Variants in ABCC4 observed in about 807,000 individuals in gnomAD.
ABCC4 encodes the protein ATP binding cassette subfamily C member 4 (PEL blood group), also known as ATP-binding cassette sub-family C member 4.
In ABCC4, 102 loss-of-function variants were observed where a neutral mutation model predicts 168.5. The observed-to-expected ratio is 0.61, with a 90% CI of 0.52 to 0.71. ABCC4 has a LOEUF of 0.71. ABCC4 is among the 30% of genes least tolerant of loss of function. ABCC4 has a pLI of 0.00. For missense variants in ABCC4, 1,402 were observed against 1,605.8 expected, an observed-to-expected ratio of 0.87 and a Z score of 2.17; for synonymous variants, 617 against 590.7, an observed-to-expected ratio of 1.04 and a Z score of -0.65.
At chr13:95,162,777 T>A (rs964505982) in intron 18 of ABCC4, among the ~76,000 whole-genome samples, 1 of 152,180 alleles carries the variant, frequency 6.6e-6, no homozygotes, top group East Asian at 1.9e-4. Flanking sequence ...AGGGTGGAGA[T>A]CCGTTTCTAA....
At chr13:95,028,923 T>C (rs567542048) in intron 30 of ABCC4, among the ~76,000 whole-genome samples, 46 of 151,962 alleles carry the variant, frequency 3.0e-4, no homozygotes, top group Non-Finnish European at 4.4e-4. Flanking sequence ...CCCAGCACTT[T>C]GGGAGGCCAA....
Position 95,175,302 on chromosome 13 carries a change from T to A in ABCC4, c.1727+2405A>T, listed in dbSNP as rs530629349. On this transcript the variant is annotated intron_variant, in intron 13 of 30. Transcript: ENST00000645237. ...TAGAAATTGAACAGAGAACCTTTTT[T>A]AAAATTTTTTTTTTATTATTATTAT... 1.5e-4 allele frequency among the ~76,000 whole-genome samples: 23 copies of A among 152,212 alleles called. No homozygotes were observed. The East Asian group carries it at 1.5e-3, about 10-fold the overall frequency.
chr13:95,256,960 T>G (rs550768970), intron 1 of ABCC4, among the ~76,000 whole-genome samples: 1 of 152,190 alleles, frequency 6.6e-6, no homozygotes, highest in Non-Finnish European at 1.5e-5. Flanking sequence ...AGCTACTCAT[T>G]TAAGTTTGCG....
At chr13:95,037,506 G>T (rs1166913565) in intron 29 of ABCC4, among the ~76,000 whole-genome samples, 1 of 152,222 alleles carries the variant, frequency 6.6e-6, no homozygotes, top group African/African-American at 2.4e-5. Context: ...AGATGGAAGT[G>T]CAAATAAGTT....
At chr13:95,212,850 A>G (rs1240632191) in intron 4 of ABCC4, among the ~76,000 whole-genome samples, 1 of 152,202 alleles carries the variant, frequency 6.6e-6, no homozygotes. Flanking sequence ...AAGACATGCC[A>G]GGTGCGGTGG....
chr13:95,057,681 A>G (rs1449539048), intron 26 of ABCC4, among the ~76,000 whole-genome samples: 1 of 152,248 alleles, frequency 6.6e-6, no homozygotes, highest in Non-Finnish European at 1.5e-5. Context: ...AGAGTGACAG[A>G]GGACCCTGAA....
intron 30 of ABCC4, among the ~76,000 whole-genome samples, chr13:95,026,053 T>C (rs1403668364): frequency 6.6e-6 from 1 of 152,050 alleles, no homozygotes; most frequent in Non-Finnish European, 1.5e-5. Flanking sequence ...ACTTGTATCA[T>C]ATAATGAACA....
intron 26 of ABCC4, 121 bp downstream of exon 26, chr13:95,062,583 C>A: frequency 5.8e-6 from 5 of 861,166 alleles, no homozygotes; most frequent in East Asian, 2.6e-5. Context: ...TAAAAACATG[C>A]TCTATTGGGT....
At chr13:95,079,079 T>C (rs535591674) in intron 21 of ABCC4, among the ~76,000 whole-genome samples, 6 of 152,206 alleles carry the variant, frequency 3.9e-5, no homozygotes, top group Non-Finnish European at 7.3e-5. Flanking sequence ...TTTGAAAAGA[T>C]AGTCCTTTCT....
chr13:95,036,596 A>G (rs1254435772), intron 29 of ABCC4, among the ~76,000 whole-genome samples: 1 of 152,182 alleles, frequency 6.6e-6, no homozygotes, highest in African/African-American at 2.4e-5. Context: ...ATTTGGTCAA[A>G]ATACTTTAAG....
At chr13:95,194,801 T>G (rs1305996968) in intron 9 of ABCC4, 35 bp downstream of exon 9, 2 of 1,538,298 alleles carry the variant, frequency 1.3e-6, no homozygotes, top group Non-Finnish European at 1.8e-6. Flanking sequence ...CTCATTATCT[T>G]CAGCAGTCAT....
rs1488367357 is a variant in ABCC4 at position 95,269,434 on chromosome 13, A to T, written c.75-21681T>A. The T allele has an allele frequency of 7.2e-4, 86 of 119,134 alleles. 1 individual carries two copies. The highest frequency in any genetic ancestry group is 3.8e-3 in the African/African-American group (70 of 18,276). 7.4% of individuals were successfully genotyped at this position (119,134 alleles called of 1,614,324 possible). On this transcript the variant is annotated intron_variant, in intron 1 of 30. Transcript: ENST00000645237. ...CAGCGAGACTCCATCTCAAAAAAAA[A>T]ATATATATATATATATATATATATA...
chr13:95,163,226 A>G lies in ABCC4; in HGVS notation c.2214-10T>C, dbSNP rs201091146. 6.4e-7 allele frequency: 1 copy of G among 1,551,106 alleles called. No homozygotes were observed. The highest frequency in any genetic ancestry group is 2.2e-5 in the East Asian group (1 of 44,508). Reference sequence around the variant, plus strand: ...ACTTTGTTTGTTTGCCCTATGGAACATGGGGAGAAAAAAATATTAAGCTAT... The same window carrying G: ...ACTTTGTTTGTTTGCCCTATGGAACGTGGGGAGAAAAAAATATTAAGCTAT... On this transcript the variant is annotated splice_polypyrimidine_tract_variant and intron_variant, in intron 17 of 30. Transcript: ENST00000645237.
chr13:95,191,593 A>T (rs1455283303), intron 9 of ABCC4, among the ~76,000 whole-genome samples: 1 of 152,222 alleles, frequency 6.6e-6, no homozygotes, highest in African/African-American at 2.4e-5. Flanking sequence ...GTCTTGCTTG[A>T]CTTCGCCTTA....
intron 1 of ABCC4, among the ~76,000 whole-genome samples, chr13:95,250,769 T>G (rs2040234060): frequency 7.0e-6 from 1 of 141,868 alleles, no homozygotes; most frequent in African/African-American, 2.6e-5. Context: ...TTTTTTTTTT[T>G]TTTTTTTTTT....
At chr13:95,249,301 C>G (rs1463559264) in intron 1 of ABCC4, among the ~76,000 whole-genome samples, 1 of 151,902 alleles carries the variant, frequency 6.6e-6, no homozygotes, top group Non-Finnish European at 1.5e-5. Context: ...TACTCAATTA[C>G]ACAAACTTCT....
Position 95,195,504 on chromosome 13 carries a change from G to A in ABCC4, c.1162-567C>T, listed in dbSNP as rs77538404. 1.3e-4 allele frequency among the ~76,000 whole-genome samples: 20 copies of A among 152,246 alleles called. No individual in the cohort carries two copies. The East Asian group carries it at 2.9e-3, about 22-fold the overall frequency. On this transcript the variant is annotated intron_variant, in intron 8 of 30. Transcript: ENST00000645237. ...GATTCAACTGGCCTTCTCCTCCCTC[G>A]TGCACGTCAAATTGACATACAACTT... is the stretch of plus-strand genomic sequence containing the variant.
At chr13:95,107,232 C>T (rs972554877) in intron 20 of ABCC4, among the ~76,000 whole-genome samples, 1 of 151,990 alleles carries the variant, frequency 6.6e-6, no homozygotes, top group Non-Finnish European at 1.5e-5. Flanking sequence ...ACTCCAGCTT[C>T]GGTGACAAGA....
chr13:95,072,628 A>C (rs2033770917), intron 24 of ABCC4, among the ~76,000 whole-genome samples: 1 of 152,226 alleles, frequency 6.6e-6, no homozygotes. Context: ...CTTTAGGGGA[A>C]GGTGCAAATA....
Sources: gnomAD v4.1 joint callset for allele counts (sites outside exome capture counted in the v4.1 genomes callset) on GRCh38, gnomAD v4.1.1 for gene constraint, MANE v1.5 for transcripts, NCBI Gene and HGNC (gene_info 2026-07-23, HGNC 2026-07-21) for gene names.